Variants in HDAC9 observed in about 807,000 individuals in gnomAD.
HDAC9 encodes the protein histone deacetylase 9.
Under a neutral mutation model 139.4 loss-of-function variants are expected in HDAC9, and 41 were observed. The observed-to-expected ratio is 0.29, with a 90% CI of 0.23 to 0.38. The LOEUF is 0.38. Ranked by LOEUF, HDAC9 falls within the 10% of genes least tolerant of loss-of-function variation. The pLI is 1.00. For missense variants in HDAC9, 1,147 were observed against 1,297.0 expected, an observed-to-expected ratio of 0.88 and a Z score of 1.78; for synonymous variants, 517 against 476.2, an observed-to-expected ratio of 1.09 and a Z score of -1.12.
intron 24 of HDAC9, among the ~76,000 whole-genome samples, chr7:18,962,288 A>G (rs946010083): frequency 2.0e-5 from 3 of 152,156 alleles, no homozygotes; most frequent in African/African-American, 7.2e-5. Context: ...GAAGAAAAGC[A>G]GCGTTAGGCA....
At chr7:18,197,280 C>T (rs1044662183) in intron 2 of HDAC9, among the ~76,000 whole-genome samples, 3 of 151,842 alleles carry the variant, frequency 2.0e-5, no homozygotes, top group East Asian at 1.9e-4. Flanking sequence ...GACTAATACG[C>T]GTAGTATATG....
At chr7:18,969,911 C>T (rs1365760108) in intron 24 of HDAC9, among the ~76,000 whole-genome samples, 1 of 152,036 alleles carries the variant, frequency 6.6e-6, no homozygotes, top group Non-Finnish European at 1.5e-5. Context: ...AAGACAGTAA[C>T]CATGAGACAT....
intron 1 of HDAC9, among the ~76,000 whole-genome samples, chr7:18,157,162 G>A (rs1040261230): frequency 1.3e-5 from 2 of 152,198 alleles, no homozygotes; most frequent in Non-Finnish European, 2.9e-5. Context: ...ACAAAAGCAT[G>A]GACACGCGAA....
At chr7:18,109,139 A>C (rs1008033201) in intron 1 of HDAC9, among the ~76,000 whole-genome samples, 2 of 152,236 alleles carry the variant, frequency 1.3e-5, no homozygotes, top group Non-Finnish European at 2.9e-5. Context: ...GATAGGAATT[A>C]TCCATGTGGA....
intron 13 of HDAC9, among the ~76,000 whole-genome samples, chr7:18,729,598 C>A (rs1785856161): frequency 6.6e-6 from 1 of 152,148 alleles, no homozygotes; most frequent in African/African-American, 2.4e-5. Flanking sequence ...CAAGGGTAGA[C>A]TGTAAACCCA....
At chr7:18,398,246 G>T (rs1409900761) in intron 1 of HDAC9, among the ~76,000 whole-genome samples, 5 of 152,066 alleles carry the variant, frequency 3.3e-5, no homozygotes. Flanking sequence ...GCACAACTCA[G>T]AAAAACATAG....
intron 21 of HDAC9, among the ~76,000 whole-genome samples, chr7:18,851,903 A>C (rs1394908811): frequency 1.3e-5 from 2 of 152,308 alleles, no homozygotes; most frequent in East Asian, 3.9e-4. Context: ...CTTCATTTGT[A>C]AAACTATAGG....
chr7:18,709,366 G>T (rs1412541734), intron 12 of HDAC9, among the ~76,000 whole-genome samples: 1 of 152,046 alleles, frequency 6.6e-6, no homozygotes, highest in Non-Finnish European at 1.5e-5. Context: ...TCCCTGAAAA[G>T]GACATGATCT....
chr7:18,304,884 G>A (rs1027349317), intron 1 of HDAC9, among the ~76,000 whole-genome samples: 19 of 152,072 alleles, frequency 1.2e-4, no homozygotes, highest in Admixed American at 3.3e-4. Context: ...TGCTGCCCTG[G>A]ACGTTCACAT....
chr7:18,417,185 C>A (rs1347707180), intron 1 of HDAC9, among the ~76,000 whole-genome samples: 2 of 152,102 alleles, frequency 1.3e-5, no homozygotes, highest in Admixed American at 6.6e-5. Context: ...ATTTACTAAT[C>A]TTTTCTTCTG....
intron 12 of HDAC9, among the ~76,000 whole-genome samples, chr7:18,725,580 G>T (rs1268628856): frequency 6.6e-6 from 1 of 152,152 alleles, no homozygotes; most frequent in Non-Finnish European, 1.5e-5. Context: ...TGGGTGATCA[G>T]TTAGGAGCTT....
At chr7:18,350,255 G>A (rs1782749557) in intron 1 of HDAC9, among the ~76,000 whole-genome samples, 1 of 152,042 alleles carries the variant, frequency 6.6e-6, no homozygotes, top group Non-Finnish European at 1.5e-5. Flanking sequence ...TTAATGCCAA[G>A]TTTTGAAAAG....
At chr7:18,664,526 C>G (rs1395628297) in intron 11 of HDAC9, among the ~76,000 whole-genome samples, 1 of 152,082 alleles carries the variant, frequency 6.6e-6, no homozygotes, top group African/African-American at 2.4e-5. Flanking sequence ...TTCTCAAACT[C>G]CACTAGCCTT....
chr7:18,527,005 G>A (rs1446497306), intron 2 of HDAC9, among the ~76,000 whole-genome samples: 1 of 152,114 alleles, frequency 6.6e-6, no homozygotes, highest in Non-Finnish European at 1.5e-5. Flanking sequence ...AATATTAAAT[G>A]ATTTAGTATA....
intron 7 of HDAC9, among the ~76,000 whole-genome samples, chr7:18,630,276 T>C (rs533074344): frequency 1.3e-5 from 2 of 152,200 alleles, no homozygotes; most frequent in African/African-American, 4.8e-5. Context: ...AAGAAAGAAG[T>C]GGTAATCTGC....
At chr7:18,121,853 A>G (rs1417849263) in intron 1 of HDAC9, among the ~76,000 whole-genome samples, 1 of 152,222 alleles carries the variant, frequency 6.6e-6, no homozygotes, top group East Asian at 1.9e-4. Flanking sequence ...TATTGAGAGT[A>G]GGATTAGACA....
intron 22 of HDAC9, among the ~76,000 whole-genome samples, chr7:18,906,762 G>T (rs1452608660): frequency 6.6e-6 from 1 of 152,122 alleles, no homozygotes; most frequent in African/African-American, 2.4e-5. Context: ...CAGATTCCTT[G>T]TCTTAACAGC....
At chr7:18,500,712 A>G (rs1768215250) in intron 2 of HDAC9, among the ~76,000 whole-genome samples, 1 of 152,154 alleles carries the variant, frequency 6.6e-6, no homozygotes, top group Admixed American at 6.6e-5. Context: ...AGCTCTTTGG[A>G]ATGACGTACC....
chr7:18,104,916 C>G (rs974857393), intron 1 of HDAC9, among the ~76,000 whole-genome samples: 4 of 151,956 alleles, frequency 2.6e-5, no homozygotes, highest in Admixed American at 2.6e-4. Flanking sequence ...GTTTTCAATT[C>G]CATTTCCTCC....
Sources: allele counts gnomAD v4.1 joint callset (sites outside exome capture counted in the v4.1 genomes callset), GRCh38; gene constraint gnomAD v4.1.1; transcripts MANE v1.5; gene names NCBI Gene and HGNC (gene_info 2026-07-23, HGNC 2026-07-21).